The following AIFM1 variants were observed in gnomAD, a reference collection of about 807,000 sequenced individuals.
AIFM1 encodes apoptosis-inducing factor 1, mitochondrial.
AIFM1 carries 3 observed loss-of-function variants against 51.7 expected under a neutral mutation model. The ratio of observed to expected loss-of-function variants is 0.06; its 90% CI spans 0.03 to 0.15. AIFM1 has a LOEUF of 0.15. Ranked by LOEUF, AIFM1 falls within the 10% of genes least tolerant of loss-of-function variation. The probability of loss-of-function intolerance (pLI) is 1.00; values close to 1 mark genes in which losing one functional copy is unlikely to be tolerated. For missense variants in AIFM1, 330 were observed against 476.8 expected (o/e 0.69, Z 2.87); for synonymous variants, 178 against 179.4 (o/e 0.99, Z 0.06).
rs756121474 is a variant in AIFM1, at chrX:130,149,833, T to G, written c.250-265A>C. Among the ~76,000 whole-genome samples, 3 of 112,270 alleles carry G rather than the reference T, an allele frequency of 2.7e-5. No homozygotes were observed. In the South Asian group the frequency reaches 1.1e-3, roughly 41 times the overall value. Reference sequence around the variant, plus strand: ...TCTATAAAGAATTCTCCCCATATTTTATTCTGAAGGTACAGTTTAAGAAAA... The same window carrying G: ...TCTATAAAGAATTCTCCCCATATTTGATTCTGAAGGTACAGTTTAAGAAAA... On this transcript the variant is annotated intron_variant, in intron 2 of 15. Transcript: ENST00000287295.
At chrX:130,155,708 G>T (rs2031140491) in intron 2 of AIFM1, among the ~76,000 whole-genome samples, 1 of 111,652 alleles carries the variant, frequency 9.0e-6, no homozygotes, top group Non-Finnish European at 1.9e-5. Context: ...TTCAATCAAG[G>T]GTGTTACTAG....
chrX:130,165,670 A>C lies in AIFM1; in HGVS notation c.-14T>G. 8.6e-7 allele frequency: 1 copy of C among 1,167,081 alleles called. No individual in the cohort carries two copies. Among genetic ancestry groups the C allele is most frequent in the Non-Finnish European group, 1.2e-6 (1 of 864,935 alleles). Reference sequence around the variant, plus strand: ...ACACCGGAACATTTCGGCGACCGCTATTCGGGACCTCCTCCTTCCCTTTCC... The same window carrying C: ...ACACCGGAACATTTCGGCGACCGCTCTTCGGGACCTCCTCCTTCCCTTTCC... On this transcript the variant is annotated 5_prime_UTR_variant, in exon 1 of 16. Coordinates refer to ENST00000287295, the MANE Select transcript of AIFM1 (RefSeq NM_004208.4).
intron 2 of AIFM1, among the ~76,000 whole-genome samples, chrX:130,150,163 C>T (rs945812755): frequency 3.6e-5 from 4 of 111,019 alleles, no homozygotes; most frequent in Non-Finnish European, 1.9e-5. Context: ...AAAAACTACA[C>T]ACAGATATTT....
At chrX:130,151,824 T>C (rs938067023) in intron 2 of AIFM1, among the ~76,000 whole-genome samples, 2 of 111,344 alleles carry the variant, frequency 1.8e-5, no homozygotes, top group Non-Finnish European at 3.8e-5. Context: ...GGAGATCACT[T>C]GAGGCCAGGA....
intron 6 of AIFM1, among the ~76,000 whole-genome samples, chrX:130,141,636 T>C (rs2030582722): frequency 1.8e-5 from 2 of 111,175 alleles, no homozygotes; most frequent in Non-Finnish European, 3.8e-5. Flanking sequence ...GCTTCCAGAT[T>C]CTTGTACTTT....
At position 130,140,697 on chromosome X, in the gene AIFM1, C is replaced by A. The variant is rs772613879; in HGVS notation, c.697-80G>T. 65 of 745,048 alleles carry A rather than the reference C, an allele frequency of 8.7e-5. No homozygotes were observed. The African/African-American group carries it at 1.1e-3, about 12-fold the overall frequency. 61.4% of individuals were successfully genotyped at this position (745,048 alleles called of 1,213,427 possible). On this transcript the variant is annotated intron_variant, in intron 6 of 15. Transcript: ENST00000287295. ...AGTTTTATTGAGATATAATTCACAT[C>A]AAATTCACCATTTTAAAGTGTGGAA... is the stretch of plus-strand genomic sequence containing the variant.
At chrX:130,153,288 C>T (rs1450112073) in intron 2 of AIFM1, among the ~76,000 whole-genome samples, 1 of 96,662 alleles carries the variant, frequency 1.0e-5, no homozygotes, top group African/African-American at 3.9e-5. Flanking sequence ...GGGAGGCGGA[C>T]GTATCAGTTA....
chrX:130,142,748 C>T (rs907366361), intron 6 of AIFM1, among the ~76,000 whole-genome samples: 2 of 111,326 alleles, frequency 1.8e-5, no homozygotes, highest in African/African-American at 3.3e-5. Context: ...TGGGTTCAAG[C>T]GATTCTCGTG....
chrX:130,154,493 G>C (rs1603229628), intron 2 of AIFM1, among the ~76,000 whole-genome samples: 1 of 112,466 alleles, frequency 8.9e-6, no homozygotes, highest in Non-Finnish European at 1.9e-5. Context: ...TCTGAATTAC[G>C]AATGAGAGGC....
chrX:130,156,697 T>C (rs1294064944), intron 1 of AIFM1, 94 bp from the exon 2 acceptor site: 9 of 961,603 alleles, frequency 9.4e-6, no homozygotes, highest in African/African-American at 3.8e-5. Flanking sequence ...ACAAGACTTA[T>C]TGCCCACAGA....
chrX:130,143,730 G>A (rs1378062990), intron 6 of AIFM1, among the ~76,000 whole-genome samples: 1 of 110,181 alleles, frequency 9.1e-6, no homozygotes, highest in African/African-American at 3.3e-5. Flanking sequence ...GGTGGCGCAT[G>A]CAGCTACTTG....
At chrX:130,133,769 A>G (rs751880586) in intron 12 of AIFM1, among the ~76,000 whole-genome samples, 19 of 109,615 alleles carry the variant, frequency 1.7e-4, no homozygotes, top group Non-Finnish European at 3.0e-4. Flanking sequence ...CTGGGACTAC[A>G]GGAATGCACC....
intron 9 of AIFM1, among the ~76,000 whole-genome samples, 199 bp downstream of exon 9, chrX:130,138,394 A>G (rs974651871): frequency 1.8e-5 from 2 of 110,287 alleles, no homozygotes; most frequent in South Asian, 3.9e-4. Flanking sequence ...GAACCCGGGA[A>G]GCGGAGCTTG....
At chrX:130,154,371 T>C (rs1425877952) in intron 2 of AIFM1, among the ~76,000 whole-genome samples, 1 of 112,382 alleles carries the variant, frequency 8.9e-6, no homozygotes, top group Non-Finnish European at 1.9e-5. Flanking sequence ...TTTAAATTGT[T>C]ACCAACATAC....
At chrX:130,162,282 C>G (rs762547000) in intron 1 of AIFM1, among the ~76,000 whole-genome samples, 3 of 111,835 alleles carry the variant, frequency 2.7e-5, no homozygotes, top group African/African-American at 9.8e-5. Context: ...TTAATCCTTA[C>G]GTCAGCAAAA....
At chrX:130,138,168 A>T in intron 9 of AIFM1, 1 of 157,387 alleles carries the variant, frequency 6.4e-6, no homozygotes, top group Non-Finnish European at 1.2e-5. Context: ...GCTTTTCACT[A>T]TATAAACCTT....
intron 12 of AIFM1, 73 bp from the exon 13 acceptor site, chrX:130,133,528 T>C: frequency 1.7e-6 from 2 of 1,146,750 alleles, no homozygotes; most frequent in Non-Finnish European, 1.2e-6. Context: ...AATATAAACT[T>C]TGGGGGCTCA....
Position 130,165,560 on chromosome X carries a change from G to A in AIFM1, c.97C>T (p.Arg33Trp), listed in dbSNP as rs1442923435. The A allele has an allele frequency of 2.5e-6, 3 of 1,191,990 alleles. No individual in the cohort carries two copies. Among genetic ancestry groups the A allele is most frequent in the African/African-American group, 3.5e-5 (2 of 57,068 alleles). The change falls in exon 1 of 16, where the codon CGG becomes TGG. Residue 33 changes from arginine to tryptophan, a missense_variant. By Grantham distance (101) the Arg-to-Trp change is moderately radical. This residue lies in a region of AIFM1 where 110 missense variants were observed against 103.1 expected (regional missense o/e 1.07). Transcript: ENST00000287295. ...VCVRSPRQRN[R>W]LPGNLFQRWH... Reference sequence around the variant, plus strand: ...GGAATGGGTCAGTCACCTGGGAGCCGGTTCCTCTGCCTCGGGCTTCGGACG... The same window carrying A: ...GGAATGGGTCAGTCACCTGGGAGCCAGTTCCTCTGCCTCGGGCTTCGGACG...
chrX:130,130,154 C>A lies in AIFM1; in HGVS notation c.1586G>T (p.Arg529Leu), dbSNP rs1227079178. ...SATEQSGTGI[R>L]SESETESEAS... ...CTCGGACTCTGTCTCACTCTCTGAT[C>A]GGATACCAGTTCCTGTGGCCAGCCC... The change falls in exon 15 of 16, where the codon CGA (arginine) becomes CTA (leucine). Residue 529 changes from arginine (R) to leucine (L), a missense_variant. Physicochemically the swap from Arg to Leu is moderately radical, Grantham distance 102. Around this residue, in one of 4 missense-constraint regions of AIFM1, gnomAD observed 56 missense variants for 48.8 expected, o/e 1.15. Coordinates refer to ENST00000287295, the MANE Select transcript of AIFM1 (RefSeq NM_004208.4). The A allele has an allele frequency of 8.3e-7, 1 of 1,209,944 alleles. No homozygotes were observed. Among genetic ancestry groups the A allele is most frequent in the African/African-American group, 1.7e-5 (1 of 57,147 alleles).
Sources: allele counts gnomAD v4.1 joint callset (sites outside exome capture counted in the v4.1 genomes callset), GRCh38; gene constraint gnomAD v4.1.1; regional missense constraint gnomAD v4.1.1; transcripts MANE v1.5; gene names NCBI Gene and HGNC (gene_info 2026-07-23, HGNC 2026-07-21).